Variants in IL1RAPL2 observed in about 807,000 individuals in gnomAD.
IL1RAPL2 encodes interleukin 1 receptor accessory protein like 2.
In IL1RAPL2, 3 loss-of-function variants were observed where a neutral mutation model predicts 44.1. The ratio of observed to expected loss-of-function variants is 0.07; its 90% CI spans 0.03 to 0.18. The LOEUF (loss-of-function observed/expected upper bound fraction) is 0.18, where lower values mean the gene tolerates loss of function less well. Ranked by LOEUF, IL1RAPL2 falls within the 10% of genes least tolerant of loss-of-function variation. The probability of loss-of-function intolerance (pLI) is 1.00; values close to 1 mark genes in which losing one functional copy is unlikely to be tolerated. For missense variants in IL1RAPL2, 391 were observed against 496.4 expected, an observed-to-expected ratio of 0.79 and a Z score of 2.02; for synonymous variants, 181 against 178.8, an observed-to-expected ratio of 1.01 and a Z score of -0.10.
At chrX:105,762,678 G>T (rs2038697274) in intron 10 of IL1RAPL2, among the ~76,000 whole-genome samples, 1 of 111,438 alleles carries the variant, frequency 9.0e-6, no homozygotes, top group African/African-American at 3.3e-5. Flanking sequence ...GCCCCTTTTG[G>T]TCTTTTCTGT....
At chrX:105,031,775 G>T (rs1268076304) in intron 2 of IL1RAPL2, among the ~76,000 whole-genome samples, 2 of 110,841 alleles carry the variant, frequency 1.8e-5, no homozygotes, top group Non-Finnish European at 1.9e-5. Context: ...AGTAAGGGAG[G>T]ATTCCCTCTT....
In IL1RAPL2 at chrX:104,870,831, T is replaced by C. The variant is rs940796050; in HGVS notation, c.82+211836T>C. Among the ~76,000 whole-genome samples, 5 of 111,753 alleles carry C rather than the reference T, an allele frequency of 4.5e-5. No homozygotes were observed. The Admixed American group carries it at 4.8e-4, about 11-fold the overall frequency. The stretch of plus-strand genomic sequence containing the variant: ...AAGTTTCTTTTATTTTGTTTTTTGT[T>C]ATTTCTAAATTGTTAGTTGTGAGTA... On this transcript the variant is annotated intron_variant, in intron 2 of 10. Coordinates refer to ENST00000372582, the MANE Select transcript of IL1RAPL2 (RefSeq NM_017416.2).
chrX:105,515,395 C>T (rs1326726345), intron 6 of IL1RAPL2, among the ~76,000 whole-genome samples: 1 of 112,073 alleles, frequency 8.9e-6, no homozygotes, highest in Non-Finnish European at 1.9e-5. Flanking sequence ...CTGTTTATCA[C>T]TGCCCTATGC....
intron 4 of IL1RAPL2, among the ~76,000 whole-genome samples, chrX:105,257,431 G>T (rs2034324149): frequency 9.0e-6 from 1 of 111,625 alleles, no homozygotes; most frequent in Non-Finnish European, 1.9e-5. Context: ...AGGTGGAGAG[G>T]TCTGTAAAGG....
At chrX:104,569,270 C>T (rs1436929797) in intron 1 of IL1RAPL2, among the ~76,000 whole-genome samples, 2 of 112,145 alleles carry the variant, frequency 1.8e-5, no homozygotes, top group African/African-American at 6.5e-5. Context: ...TTAGTTTCTG[C>T]GGGGCTTCTA....
intron 1 of IL1RAPL2, among the ~76,000 whole-genome samples, chrX:104,626,102 C>A (rs1443385836): frequency 9.0e-6 from 1 of 111,115 alleles, no homozygotes; most frequent in Admixed American, 9.7e-5. Context: ...ATATCTCCTT[C>A]TCATGCTTAC....
intron 2 of IL1RAPL2, among the ~76,000 whole-genome samples, chrX:105,158,307 C>T (rs891456155): frequency 5.3e-4 from 58 of 110,250 alleles, no homozygotes; most frequent in Middle Eastern, 5.1e-3. Flanking sequence ...TGCAGTGAGC[C>T]GAGATCGCGC....
chrX:104,583,959 T>C (rs1173021987), intron 1 of IL1RAPL2, among the ~76,000 whole-genome samples: 1 of 111,656 alleles, frequency 9.0e-6, no homozygotes, highest in Non-Finnish European at 1.9e-5. Context: ...CAGTGCCACC[T>C]GGATATTGTG....
At chrX:104,782,076 C>T (rs1049554352) in intron 2 of IL1RAPL2, among the ~76,000 whole-genome samples, 8 of 111,628 alleles carry the variant, frequency 7.2e-5, no homozygotes, top group African/African-American at 2.6e-4. Context: ...GCACCTTGAT[C>T]TTGGATTTCT....
chrX:104,877,288 C>A (rs1236760213), intron 2 of IL1RAPL2, among the ~76,000 whole-genome samples: 1 of 110,862 alleles, frequency 9.0e-6, no homozygotes, highest in Non-Finnish European at 1.9e-5. Context: ...AGTTCTAGAT[C>A]CCTGAGGAAT....
intron 5 of IL1RAPL2, among the ~76,000 whole-genome samples, chrX:105,398,819 T>C (rs952813757): frequency 1.5e-4 from 17 of 111,843 alleles, no homozygotes; most frequent in Non-Finnish European, 2.8e-4. Flanking sequence ...ATAAGGAGCA[T>C]GTTAATCTTC....
intron 4 of IL1RAPL2, among the ~76,000 whole-genome samples, chrX:105,246,455 ATC>A (rs2034220130): frequency 8.9e-6 from 1 of 111,741 alleles, no homozygotes; most frequent in African/African-American, 3.3e-5. Context: ...GGAAATCAAT[ATC>A]AAATCCATCT....
intron 2 of IL1RAPL2, among the ~76,000 whole-genome samples, chrX:104,838,815 C>A (rs1921814189): frequency 1.2e-5 from 1 of 84,804 alleles, no homozygotes; most frequent in African/African-American, 3.8e-5. Flanking sequence ...TTTCTCTTTT[C>A]TTTTCTTCTT....
chrX:105,231,411 A>C lies in IL1RAPL2; in HGVS notation c.357-2407A>C, dbSNP rs1196585984. Reference sequence around the variant, plus strand: ...GATATTTGACAAGCCATATACCTTCATCTGAAGGAATGTGATATTTGACAA... The same window carrying C: ...GATATTTGACAAGCCATATACCTTCCTCTGAAGGAATGTGATATTTGACAA... On this transcript the variant is annotated intron_variant, in intron 3 of 10. Coordinates refer to ENST00000372582, the MANE Select transcript of IL1RAPL2 (RefSeq NM_017416.2). 2.7e-5 allele frequency among the ~76,000 whole-genome samples: 3 copies of C among 111,902 alleles called. No individual in the cohort carries two copies. In the Admixed American group the frequency reaches 2.9e-4, roughly 11 times the overall value.
chrX:105,368,452 G>T (rs2035312245), intron 5 of IL1RAPL2, among the ~76,000 whole-genome samples: 1 of 111,480 alleles, frequency 9.0e-6, no homozygotes, highest in Admixed American at 9.5e-5. Context: ...AAGACACTGG[G>T]TATAGTATTG....
chrX:105,325,786 A>G (rs1423031809), intron 5 of IL1RAPL2, among the ~76,000 whole-genome samples: 3 of 109,412 alleles, frequency 2.7e-5, no homozygotes, highest in African/African-American at 6.7e-5. Flanking sequence ...GTGGAGAGGT[A>G]TCTCATTGTG....
intron 2 of IL1RAPL2, among the ~76,000 whole-genome samples, chrX:105,154,841 C>T (rs2033256838): frequency 9.0e-6 from 1 of 111,653 alleles, no homozygotes; most frequent in African/African-American, 3.3e-5. Context: ...GCTCTTTTCT[C>T]TCTAACCATG....
chrX:105,242,079 C>T (rs1556208860), intron 4 of IL1RAPL2, among the ~76,000 whole-genome samples: 1 of 111,629 alleles, frequency 9.0e-6, no homozygotes, highest in Admixed American at 9.6e-5. Flanking sequence ...AGGTAAAGTC[C>T]AACTCTTTCC....
At position 105,171,599 on chromosome X, in the gene IL1RAPL2, A is replaced by T. The variant is rs141871852; in HGVS notation, c.83-23876A>T. The stretch of plus-strand genomic sequence containing the variant: ...GTTGATCTACCTTCCATCATATAGA[A>T]TGTGGCACAGCTGGGAACATTGATC... On this transcript the variant is annotated intron_variant, in intron 2 of 10. Coordinates refer to ENST00000372582, the MANE Select transcript of IL1RAPL2 (RefSeq NM_017416.2). Among the ~76,000 whole-genome samples, 515 of 110,053 alleles carry T rather than the reference A, an allele frequency of 4.7e-3. 6 individuals carry two copies. Among genetic ancestry groups the T allele is most frequent in the African/African-American group, 0.016 (475 of 30,270 alleles).
Sources: gnomAD v4.1 joint callset for allele counts (sites outside exome capture counted in the v4.1 genomes callset) on GRCh38, gnomAD v4.1.1 for gene constraint, MANE v1.5 for transcripts, NCBI Gene and HGNC (gene_info 2026-07-23, HGNC 2026-07-21) for gene names.